The following DCC variants were observed in gnomAD, a reference collection of about 807,000 sequenced individuals.
DCC encodes netrin receptor DCC.
In DCC, 58 loss-of-function variants were observed where a neutral mutation model predicts 172.5. The observed-to-expected ratio is 0.34, with a 90% CI of 0.27 to 0.42. The LOEUF (loss-of-function observed/expected upper bound fraction) is 0.42. DCC is among the 10% of genes least tolerant of loss of function. The pLI, the probability that DCC is intolerant of heterozygous loss-of-function variation, is 1.00. For missense variants in DCC, 1,740 were observed against 1,791.0 expected (o/e 0.97, Z 0.51); for synonymous variants, 709 against 644.5 (o/e 1.10, Z -1.52).
At chr18:52,904,226 A>G (rs542307890) in intron 2 of DCC, among the ~76,000 whole-genome samples, 75 of 152,336 alleles carry the variant, frequency 4.9e-4, no homozygotes, top group African/African-American at 1.7e-3. Flanking sequence ...TTTCTTACAA[A>G]GAACAATCTT....
intron 1 of DCC, among the ~76,000 whole-genome samples, chr18:52,550,860 C>A (rs888500971): frequency 1.3e-5 from 2 of 151,410 alleles, no homozygotes; most frequent in Non-Finnish European, 3.0e-5. Flanking sequence ...GAACTCTGTA[C>A]GATCTTCACA....
chr18:53,066,288 A>G, intron 7 of DCC, 122 bp downstream of exon 7: 1 of 896,350 alleles, frequency 1.1e-6, no homozygotes. Context: ...TCATTTAGTT[A>G]ATTAAGGTGT....
At chr18:52,623,354 G>A (rs578226911) in intron 1 of DCC, among the ~76,000 whole-genome samples, 5 of 152,198 alleles carry the variant, frequency 3.3e-5, no homozygotes, top group East Asian at 1.9e-4. Context: ...ACAATAAAAC[G>A]AGCATTAGGA....
At chr18:52,636,198 G>A (rs750320470) in intron 1 of DCC, among the ~76,000 whole-genome samples, 3 of 152,180 alleles carry the variant, frequency 2.0e-5, no homozygotes, top group Admixed American at 6.5e-5. Flanking sequence ...CTGGGAGCCC[G>A]CTGGGTTCTG....
intron 1 of DCC, among the ~76,000 whole-genome samples, chr18:52,393,029 T>C (rs1249706584): frequency 6.6e-6 from 1 of 152,110 alleles, no homozygotes; most frequent in Non-Finnish European, 1.5e-5. Flanking sequence ...ACTAGGCTAA[T>C]CTGAGAAGTG....
chr18:53,403,074 G>GCACA (rs3059148), intron 19 of DCC, among the ~76,000 whole-genome samples, 181 bp downstream of exon 19: 97 of 145,908 alleles, frequency 6.6e-4, no homozygotes, highest in Middle Eastern at 3.5e-3. Flanking sequence ...TTCTAATGGT[G>GCACA]CACACACACA....
At chr18:52,486,304 C>G (rs2030220964) in intron 1 of DCC, among the ~76,000 whole-genome samples, 2 of 152,054 alleles carry the variant, frequency 1.3e-5, no homozygotes, top group African/African-American at 4.8e-5. Flanking sequence ...TCAAGAGGGT[C>G]CAGTTTATAA....
Position 53,088,570 on chromosome 18 carries a change from C to G in DCC, c.1261+22404C>G, listed in dbSNP as rs890888707. Among the ~76,000 whole-genome samples, 19 of 151,876 alleles carry G rather than the reference C, an allele frequency of 1.3e-4. 1 individual carries two copies. Among genetic ancestry groups the G allele is most frequent in the Admixed American group, 9.2e-4 (14 of 15,250 alleles). ...GCAAATAGAGACACTAAAATAAGAG[C>G]AGAACTGAAGGAAATAGAGACACAA... On this transcript the variant is annotated intron_variant, in intron 7 of 28. Coordinates refer to ENST00000442544, the MANE Select transcript of DCC (RefSeq NM_005215.4).
chr18:52,676,835 C>G (rs990945345), intron 1 of DCC, among the ~76,000 whole-genome samples: 1 of 152,110 alleles, frequency 6.6e-6, no homozygotes, highest in Non-Finnish European at 1.5e-5. Context: ...CTTTACTTAC[C>G]CAATGATCTT....
At chr18:52,540,079 G>T (rs1055078332) in intron 1 of DCC, among the ~76,000 whole-genome samples, 11 of 152,094 alleles carry the variant, frequency 7.2e-5, no homozygotes, top group Middle Eastern at 3.4e-3. Context: ...CTCAATGTTG[G>T]GTTTTTTCAT....
chr18:53,315,732 A>G (rs1000607205), intron 13 of DCC, among the ~76,000 whole-genome samples: 5 of 150,702 alleles, frequency 3.3e-5, no homozygotes, highest in African/African-American at 1.2e-4. Context: ...TTTTTTTTTC[A>G]TATATTTTTT....
chr18:52,724,704 C>T (rs2036524997), intron 1 of DCC, among the ~76,000 whole-genome samples: 1 of 152,198 alleles, frequency 6.6e-6, no homozygotes, highest in Non-Finnish European at 1.5e-5. Flanking sequence ...TCTTTCATAG[C>T]AGCCTAAAAT....
rs138525677 is a variant in DCC at position 53,476,173 on chromosome 18, G to A, written c.3736+8163G>A. ...TTGCTTTTGATTTTACAGGCTGATA[G>A]GTGGAAAGGACTTGCCTTGTCTCAG... On this transcript the variant is annotated intron_variant, in intron 25 of 28. Transcript: ENST00000442544. Among the ~76,000 whole-genome samples the A allele has an allele frequency of 9.0e-4, 137 of 152,328 alleles. 1 individual carries two copies. The highest frequency in any genetic ancestry group is 1.4e-3 in the Non-Finnish European group (94 of 68,034).
At chr18:52,947,711 G>T (rs1259579724) in intron 5 of DCC, among the ~76,000 whole-genome samples, 30 of 152,172 alleles carry the variant, frequency 2.0e-4, no homozygotes, top group Admixed American at 2.0e-3. Flanking sequence ...TCTTATGGAA[G>T]GGGCCGTTCC....
At chr18:52,836,494 A>T (rs193198595) in intron 2 of DCC, among the ~76,000 whole-genome samples, 16 of 152,342 alleles carry the variant, frequency 1.1e-4, no homozygotes, top group Admixed American at 7.8e-4. Context: ...CACCTGTTCC[A>T]AATGGGAGAA....
At chr18:52,612,496 G>T (rs767750584) in intron 1 of DCC, among the ~76,000 whole-genome samples, 2 of 149,518 alleles carry the variant, frequency 1.3e-5, no homozygotes. Context: ...ATCAATCTCT[G>T]CTTAAAACCC....
chr18:52,684,681 T>C (rs773203842), intron 1 of DCC, among the ~76,000 whole-genome samples: 6 of 152,064 alleles, frequency 3.9e-5, no homozygotes, highest in Admixed American at 2.0e-4. Context: ...AAGCTAGGGA[T>C]GAAGGCATGA....
At chr18:53,470,934 C>G (rs1371146951) in intron 25 of DCC, among the ~76,000 whole-genome samples, 1 of 152,152 alleles carries the variant, frequency 6.6e-6, no homozygotes, top group African/African-American at 2.4e-5. Flanking sequence ...TCAACTTACT[C>G]TGTTCAGAAA....
intron 1 of DCC, among the ~76,000 whole-genome samples, chr18:52,376,903 G>A (rs796891339): frequency 6.6e-6 from 1 of 152,174 alleles, no homozygotes; most frequent in African/African-American, 2.4e-5. Flanking sequence ...TGGTTAACAC[G>A]AAGTCAATGC....
Sources: allele counts gnomAD v4.1 joint callset (sites outside exome capture counted in the v4.1 genomes callset), GRCh38; gene constraint gnomAD v4.1.1; transcripts MANE v1.5; gene names NCBI Gene and HGNC (gene_info 2026-07-23, HGNC 2026-07-21).